PROSER3: variants seen among roughly 807,000 people sequenced by gnomAD.
PROSER3 encodes the protein proline and serine-rich protein 3.
Under a neutral mutation model 50.2 loss-of-function variants are expected in PROSER3, and 33 were observed. That is an observed-to-expected ratio of 0.66 (90% CI 0.50 to 0.88). The LOEUF is 0.88. PROSER3 is among the 40% of genes least tolerant of loss of function. The pLI is 0.00. For missense variants in PROSER3, 623 were observed against 612.7 expected (o/e 1.02, Z -0.18); for synonymous variants, 266 against 259.3 (o/e 1.03, Z -0.25).
chr19:35,764,149 G>A (rs938620966), intron 5 of PROSER3, among the ~76,000 whole-genome samples: 1 of 152,056 alleles, frequency 6.6e-6, no homozygotes, highest in Non-Finnish European at 1.5e-5. Flanking sequence ...TAGCCAGGAT[G>A]GTCCTTGGGG....
chr19:35,762,121 A>G, exon 4 of PROSER3: 3 of 1,602,078 alleles, frequency 1.9e-6, no homozygotes, highest in Non-Finnish European at 8.5e-7. Flanking sequence ...CTGACTCTCC[A>G]GACCCCAGCA....
chr19:35,768,761 G>A lies in PROSER3; in HGVS notation c.*216G>A, dbSNP rs1158563301. ...CCTTTCTGGTTATATCTTCCTTGGG[G>A]CAGAGGGAGTTTCAGACAAGACTTC... On this transcript the variant is annotated 3_prime_UTR_variant, in exon 11 of 11. Coordinates refer to ENST00000396908, the Ensembl canonical transcript of PROSER3. The A allele has an allele frequency of 6.4e-6, 3 of 472,236 alleles. 1 individual carries two copies. Among genetic ancestry groups the A allele is most frequent in the Admixed American group, 8.3e-5 (2 of 24,034 alleles). 29.3% of individuals were successfully genotyped at this position (472,236 alleles called of 1,614,324 possible).
In PROSER3 at chr19:35,758,373, G is replaced by C. The variant is rs569899254; in HGVS notation, c.11+147G>C. 6 of 1,115,480 alleles carry C rather than the reference G, an allele frequency of 5.4e-6. No homozygotes were observed. In the African/African-American group the frequency reaches 6.6e-5, roughly 12 times the overall value. 69.1% of individuals were successfully genotyped at this position (1,115,480 alleles called of 1,614,324 possible). Reference sequence around the variant, plus strand: ...ACAATTCCCAACATGCTCCACAGCCGTTGGCCTCTCCAGCCGTAGCCGTTA... The same window carrying C: ...ACAATTCCCAACATGCTCCACAGCCCTTGGCCTCTCCAGCCGTAGCCGTTA... On this transcript the variant is annotated intron_variant, in intron 1 of 10. Coordinates refer to ENST00000396908, the Ensembl canonical transcript of PROSER3.
chr19:35,769,713 C>G (rs1971285340), downstream of PROSER3: 1 of 152,360 alleles, frequency 6.6e-6, no homozygotes, highest in East Asian at 1.9e-4. Flanking sequence ...ACCAGGAAAT[C>G]CTGCCATCTC....
At chr19:35,763,744 G>A (rs1971042430) in intron 5 of PROSER3, among the ~76,000 whole-genome samples, 1 of 139,970 alleles carries the variant, frequency 7.1e-6, no homozygotes, top group Non-Finnish European at 1.5e-5. Context: ...CTGACCTTGT[G>A]ATCCACCCAC....
At chr19:35,767,269 T>G (rs1190004821) in intron 8 of PROSER3, 2 of 346,762 alleles carry the variant, frequency 5.8e-6, no homozygotes, top group Non-Finnish European at 1.1e-5. Flanking sequence ...AGTCTGGGCC[T>G]TGGGTATCCC....
chr19:35,768,923 C>A, exon 11 of PROSER3: 1 of 159,888 alleles, frequency 6.3e-6, no homozygotes, highest in Non-Finnish European at 1.4e-5. Flanking sequence ...CCCACACATG[C>A]TTGAGCAGCA....
At chr19:35,766,692 G>GTT in intron 7 of PROSER3, 76 bp from the exon 8 acceptor site, 1 of 1,017,364 alleles carries the variant, frequency 9.8e-7, no homozygotes, top group East Asian at 2.6e-5. Flanking sequence ...GTTGGAGGGC[G>GTT]TGTGTGCAGG....
chr19:35,764,798 C>T, intron 5 of PROSER3, 56 bp from the exon 6 acceptor site: 1 of 1,492,916 alleles, frequency 6.7e-7, no homozygotes, highest in Admixed American at 1.9e-5. Context: ...CTGTTTAGAA[C>T]CCCCTTCCCA....
At chr19:35,762,215 C>T (rs1311130589) in intron 4 of PROSER3, 38 bp from the exon 5 acceptor site, 2 of 1,598,124 alleles carry the variant, frequency 1.3e-6, no homozygotes, top group Non-Finnish European at 1.7e-6. Context: ...CCAGCAGCCA[C>T]TCCTCCTGGC....
At chr19:35,759,326 G>C in intron 1 of PROSER3, 48 bp from the exon 2 acceptor site, 1 of 1,492,892 alleles carries the variant, frequency 6.7e-7, no homozygotes. Context: ...CCCTCCCCAG[G>C]GCTGCGGCGA....
rs540037055 is a variant in PROSER3 at position 35,767,637 on chromosome 19, T to C, written c.958-167T>C. The stretch of plus-strand genomic sequence containing the variant: ...GGACCTGGCCCTCAGCTCAGGGGTG[T>C]CCTGGGCCAGGTAGTGGCAGCTCGG... On this transcript the variant is annotated intron_variant, in intron 8 of 10. Coordinates refer to ENST00000396908, the Ensembl canonical transcript of PROSER3. 3.5e-6 allele frequency: 3 copies of C among 860,616 alleles called. No homozygotes were observed. The African/African-American group carries it at 5.1e-5, about 15-fold the overall frequency. 53.3% of individuals were successfully genotyped at this position (860,616 alleles called of 1,614,324 possible).
intron 5 of PROSER3, among the ~76,000 whole-genome samples, chr19:35,763,257 A>T (rs1469694947): frequency 2.7e-5 from 4 of 150,902 alleles, no homozygotes; most frequent in Non-Finnish European, 4.4e-5. Flanking sequence ...GCTGGGGTAC[A>T]GTGGCGCCAT....
intron 7 of PROSER3, among the ~76,000 whole-genome samples, chr19:35,766,252 T>C (rs564224814): frequency 6.6e-6 from 1 of 152,236 alleles, no homozygotes; most frequent in South Asian, 2.1e-4. Context: ...AATAAATATT[T>C]GTTGAATGAA....
exon 10 of PROSER3, chr19:35,768,220 C>A: frequency 1.2e-6 from 2 of 1,612,964 alleles, no homozygotes; most frequent in Non-Finnish European, 1.7e-6. Context: ...TAGGGCAGAG[C>A]TGAGTCGGCA....
intron 6 of PROSER3, 45 bp downstream of exon 6, chr19:35,764,981 C>G: frequency 6.2e-7 from 1 of 1,612,696 alleles, no homozygotes; most frequent in Non-Finnish European, 8.5e-7. Context: ...TGCGGCTCCA[C>G]GTGGCCCAGG....
At chr19:35,759,934 A>G in exon 3 of PROSER3, 1 of 1,607,138 alleles carries the variant, frequency 6.2e-7, no homozygotes, top group East Asian at 2.2e-5. Flanking sequence ...ACTGAGGGAC[A>G]GATGTGGGCC....
chr19:35,762,116 T>A, exon 4 of PROSER3: 3 of 1,603,810 alleles, frequency 1.9e-6, no homozygotes, highest in Non-Finnish European at 2.6e-6. Flanking sequence ...GCAGTCTGAC[T>A]CTCCAGACCC....
chr19:35,768,050 C>T (rs748705071), exon 9 of PROSER3: 1 of 1,581,986 alleles, frequency 6.3e-7, no homozygotes, highest in Admixed American at 1.8e-5. Flanking sequence ...CGCCCTGCTG[C>T]TGCAGGCTGC....
Sources: allele counts gnomAD v4.1 joint callset (sites outside exome capture counted in the v4.1 genomes callset), GRCh38; gene constraint gnomAD v4.1.1; transcripts MANE v1.5; gene names NCBI Gene and HGNC (gene_info 2026-07-23, HGNC 2026-07-21).